The following SLC10A7 variants were observed in gnomAD, a reference collection of about 807,000 sequenced individuals.
SLC10A7 encodes solute carrier family 10 member 7.
In SLC10A7, 29 loss-of-function variants were observed where a neutral mutation model predicts 43.2. That is an observed-to-expected ratio of 0.67 (90% CI 0.50 to 0.92). The LOEUF (loss-of-function observed/expected upper bound fraction) is 0.92. SLC10A7 is among the 40% of genes least tolerant of loss of function. The pLI, the probability that SLC10A7 is intolerant of heterozygous loss-of-function variation, is 0.00. For missense variants in SLC10A7, 295 were observed against 403.2 expected, an observed-to-expected ratio of 0.73 and a Z score of 2.30; for synonymous variants, 152 against 144.8, an observed-to-expected ratio of 1.05 and a Z score of -0.35.
chr4:146,313,806 T>A (rs534868755), intron 6 of SLC10A7, among the ~76,000 whole-genome samples: 7 of 152,270 alleles, frequency 4.6e-5, no homozygotes, highest in Non-Finnish European at 7.4e-5. Context: ...GAACTCCTAT[T>A]AAGCTCAGTT....
chr4:146,481,647 C>T (rs897773370), intron 4 of SLC10A7, among the ~76,000 whole-genome samples: 1 of 152,224 alleles, frequency 6.6e-6, no homozygotes, highest in Non-Finnish European at 1.5e-5. Context: ...AACTGCATCC[C>T]AGCCCAGGGT....
intron 2 of SLC10A7, chr4:146,513,977 T>A (rs532984978): frequency 6.6e-6 from 1 of 152,288 alleles, no homozygotes; most frequent in South Asian, 2.1e-4. Flanking sequence ...ACACTCCACA[T>A]CATTTACTGA....
chr4:146,505,940 T>C (rs374237720), intron 3 of SLC10A7, among the ~76,000 whole-genome samples: 3 of 152,210 alleles, frequency 2.0e-5, no homozygotes, highest in Admixed American at 1.3e-4. Context: ...AGAAGATAAG[T>C]AACTTTCCCA....
intron 7 of SLC10A7, among the ~76,000 whole-genome samples, chr4:146,298,214 T>C (rs1730914840): frequency 6.6e-6 from 1 of 152,168 alleles, no homozygotes; most frequent in Non-Finnish European, 1.5e-5. Flanking sequence ...AAATATAAAA[T>C]GCTTTAGAGA....
chr4:146,433,469 A>G (rs1729950397), intron 5 of SLC10A7, among the ~76,000 whole-genome samples: 1 of 152,220 alleles, frequency 6.6e-6, no homozygotes, highest in Non-Finnish European at 1.5e-5. Context: ...AAAAATTATA[A>G]TTAAGATAAA....
chr4:146,382,176 G>A (rs1737673746), intron 5 of SLC10A7, among the ~76,000 whole-genome samples: 1 of 152,210 alleles, frequency 6.6e-6, no homozygotes, highest in Middle Eastern at 3.4e-3. Flanking sequence ...TATACATGCT[G>A]TGCAATTATA....
At chr4:146,368,278 G>A (rs1019443872) in intron 5 of SLC10A7, among the ~76,000 whole-genome samples, 1 of 152,188 alleles carries the variant, frequency 6.6e-6, no homozygotes, top group Non-Finnish European at 1.5e-5. Context: ...TTTCAGTCAA[G>A]GTTGGGCTTC....
At chr4:146,358,201 T>C (rs748878787) in intron 5 of SLC10A7, among the ~76,000 whole-genome samples, 10 of 152,132 alleles carry the variant, frequency 6.6e-5, no homozygotes, top group Non-Finnish European at 1.3e-4. Context: ...ATGTATCTGA[T>C]TCTACATGGG....
intron 5 of SLC10A7, among the ~76,000 whole-genome samples, chr4:146,360,278 C>T (rs1210002176): frequency 6.6e-6 from 1 of 152,112 alleles, no homozygotes; most frequent in African/African-American, 2.4e-5. Context: ...AGCCCTGCTC[C>T]AATCCACTTT....
At chr4:146,358,851 T>C (rs534968453) in intron 5 of SLC10A7, among the ~76,000 whole-genome samples, 1 of 152,326 alleles carries the variant, frequency 6.6e-6, no homozygotes, top group East Asian at 1.9e-4. Context: ...AGATGTCTTT[T>C]GATGAACATT....
At chr4:146,347,621 T>G (rs745456753) in intron 5 of SLC10A7, among the ~76,000 whole-genome samples, 1 of 152,170 alleles carries the variant, frequency 6.6e-6, no homozygotes, top group Non-Finnish European at 1.5e-5. Context: ...ACTTATTCCT[T>G]CTGAAATTTT....
intron 4 of SLC10A7, among the ~76,000 whole-genome samples, chr4:146,497,581 C>A (rs186471861): frequency 6.6e-6 from 1 of 152,274 alleles, no homozygotes; most frequent in Non-Finnish European, 1.5e-5. Context: ...TCGGCAATGG[C>A]TTTTCGCTGA....
intron 5 of SLC10A7, among the ~76,000 whole-genome samples, chr4:146,342,012 T>C (rs574813680): frequency 3.3e-5 from 5 of 151,870 alleles, no homozygotes; most frequent in Middle Eastern, 3.4e-3. Flanking sequence ...TTCTTGTAAT[T>C]CCTTACAGAA....
chr4:146,499,669 T>C (rs1736220436), intron 4 of SLC10A7, among the ~76,000 whole-genome samples: 1 of 152,216 alleles, frequency 6.6e-6, no homozygotes. Context: ...TCAAGTTTGA[T>C]ATTCAAGATT....
In SLC10A7 at chr4:146,254,729, C is replaced by G. The variant is rs773574434; in HGVS notation, c.*1762G>C. ...CAGATAGATGACAGACAGACAGACA[C>G]TTCCATTTACTCCAAAATTCAAAGA... On this transcript the variant is annotated 3_prime_UTR_variant, in exon 12 of 12. Coordinates refer to ENST00000335472, the MANE Select transcript of SLC10A7 (RefSeq NM_001029998.6). 13 of 152,166 alleles carry G rather than the reference C, an allele frequency of 8.5e-5. No homozygotes were observed. The highest frequency in any genetic ancestry group is 2.6e-4 in the Admixed American group (4 of 15,278). The allele number at this position is 152,166 out of a possible 1,614,324, so 9.4% of individuals were successfully genotyped here.
chr4:146,371,332 T>C (rs1457840792), intron 5 of SLC10A7, among the ~76,000 whole-genome samples: 4 of 152,190 alleles, frequency 2.6e-5, no homozygotes, highest in Non-Finnish European at 5.9e-5. Flanking sequence ...CCTTGTTAGA[T>C]GGTTAATAAT....
chr4:146,521,569 A>T, intron 1 of SLC10A7, 49 bp downstream of exon 1: 1 of 1,495,802 alleles, frequency 6.7e-7, no homozygotes. Context: ...CTCACAAATT[A>T]GTTCTGAAGT....
intron 10 of SLC10A7, among the ~76,000 whole-genome samples, chr4:146,262,582 C>A (rs188847831): frequency 1.3e-5 from 2 of 152,228 alleles, no homozygotes; most frequent in East Asian, 1.9e-4. Context: ...CACTCACTTG[C>A]TTACTAATCC....
chr4:146,406,572 G>A (rs940956388), intron 5 of SLC10A7, among the ~76,000 whole-genome samples: 10 of 152,156 alleles, frequency 6.6e-5, no homozygotes, highest in African/African-American at 2.4e-4. Flanking sequence ...GGAGCGTGCT[G>A]TTTAATTATA....
Sources: gnomAD v4.1 joint callset for allele counts (sites outside exome capture counted in the v4.1 genomes callset) on GRCh38, gnomAD v4.1.1 for gene constraint, MANE v1.5 for transcripts, NCBI Gene and HGNC (gene_info 2026-07-23, HGNC 2026-07-21) for gene names.